VPS13D: variants seen among roughly 807,000 people sequenced by gnomAD.
VPS13D encodes intermembrane lipid transfer protein VPS13D.
In VPS13D, 187 loss-of-function variants were observed where a neutral mutation model predicts 461.9. The ratio of observed to expected loss-of-function variants is 0.40; its 90% CI spans 0.36 to 0.46. The LOEUF (loss-of-function observed/expected upper bound fraction) is 0.46, where lower values mean the gene tolerates loss of function less well. VPS13D is among the 20% of genes least tolerant of loss of function. The probability of loss-of-function intolerance (pLI) is 0.60; values close to 1 mark genes in which losing one functional copy is unlikely to be tolerated. For missense variants in VPS13D, 4,711 were observed against 5,364.9 expected (o/e 0.88, Z 3.81); for synonymous variants, 1,951 against 1,986.3 (o/e 0.98, Z 0.47).
intron 5 of VPS13D, among the ~76,000 whole-genome samples, chr1:12,245,631 A>G (rs1344702303): frequency 6.6e-6 from 1 of 152,172 alleles, no homozygotes; most frequent in Non-Finnish European, 1.5e-5. Context: ...GGCTGGGGCA[A>G]GAGGATGACT....
At chr1:12,469,048 AAAAC>A (rs1645530192) in intron 67 of VPS13D, among the ~76,000 whole-genome samples, 1 of 152,026 alleles carries the variant, frequency 6.6e-6, no homozygotes, top group Admixed American at 6.6e-5. Flanking sequence ...GAAAAAAAAA[AAAAC>A]AAAAAACTTT....
At chr1:12,327,552 A>T in intron 35 of VPS13D, 96 bp from the exon 36 acceptor site, 1 of 1,042,870 alleles carries the variant, frequency 9.6e-7, no homozygotes, top group Non-Finnish European at 1.3e-6. Context: ...GCTTCCCAGT[A>T]GGTCTCTAGA....
intron 67 of VPS13D, among the ~76,000 whole-genome samples, chr1:12,475,336 G>C (rs1168380375): frequency 6.6e-6 from 1 of 152,116 alleles, no homozygotes; most frequent in African/African-American, 2.4e-5. Flanking sequence ...TCCTTGCCCT[G>C]GTCATGTCTG....
chr1:12,278,217 C>A (rs1402136355), intron 19 of VPS13D, among the ~76,000 whole-genome samples, 179 bp downstream of exon 19: 1 of 152,186 alleles, frequency 6.6e-6, no homozygotes, highest in Non-Finnish European at 1.5e-5. Context: ...TGTTTTCACC[C>A]TTTTCCATTT....
intron 65 of VPS13D, among the ~76,000 whole-genome samples, chr1:12,417,992 T>G (rs1644817096): frequency 6.6e-6 from 1 of 152,124 alleles, no homozygotes; most frequent in African/African-American, 2.4e-5. Flanking sequence ...CTACAACCTC[T>G]GCCTCCCGAG....
At chr1:12,322,038 C>A (rs768518881) in intron 33 of VPS13D, 74 bp downstream of exon 33, 33 of 1,544,724 alleles carry the variant, frequency 2.1e-5, no homozygotes, top group Non-Finnish European at 2.6e-5. Flanking sequence ...CTTATTTGCT[C>A]TGAGCCCAAC....
At chr1:12,247,518 A>T (rs1230558735) in intron 5 of VPS13D, among the ~76,000 whole-genome samples, 1 of 151,974 alleles carries the variant, frequency 6.6e-6, no homozygotes, top group Non-Finnish European at 1.5e-5. Flanking sequence ...AAACCCAAAA[A>T]AAACAAAAAC....
chr1:12,305,791 C>T lies in VPS13D; in HGVS notation c.6439+1063C>T, dbSNP rs1393609337. Among the ~76,000 whole-genome samples the T allele has an allele frequency of 2.0e-5, 3 of 152,220 alleles. No homozygotes were observed. The East Asian group carries it at 5.8e-4, about 29-fold the overall frequency. The stretch of plus-strand genomic sequence containing the variant: ...AGATCCGAGGAATTGTTAGCTCTCT[C>T]TGGTACCTTATAGTCCTAGAGGTGA... On this transcript the variant is annotated intron_variant, in intron 26 of 69. Transcript: ENST00000620676.
In VPS13D at chr1:12,261,906, GA is replaced by G; in HGVS notation, c.1421del (p.Glu474GlyfsTer13). On this transcript the variant is annotated frameshift_variant, in exon 13 of 70. Coordinates refer to ENST00000620676, the MANE Select transcript of VPS13D (RefSeq NM_015378.4). LOFTEE classifies it high-confidence loss of function. ...TTTTCTCCCTTACCATTTAGGCACTGAGGAGTTTTTTGACCCCACTGCAGAT... is the reference window on the plus strand; with the variant it reads ...TTTTCTCCCTTACCATTTAGGCACTGGGAGTTTTTTGACCCCACTGCAGAT... The part of the protein sequence containing the change: ...QWIPEEILGT[E>X]EFFDPTADAS... 5 of 1,608,440 alleles carry G rather than the reference GA, an allele frequency of 3.1e-6. No individual in the cohort carries two copies. Among genetic ancestry groups the G allele is most frequent in the Non-Finnish European group, 4.3e-6 (5 of 1,176,306 alleles).
chr1:12,317,973 CG>C, intron 30 of VPS13D, 98 bp from the exon 31 acceptor site: 5 of 1,277,910 alleles, frequency 3.9e-6, no homozygotes, highest in East Asian at 2.3e-5. Context: ...TGGAAAATAC[CG>C]GAATACCACC....
At chr1:12,499,348 T>A (rs571869573) in intron 68 of VPS13D, 1 of 578,078 alleles carries the variant, frequency 1.7e-6, no homozygotes, top group Admixed American at 6.3e-5. Context: ...CATTTTCCAT[T>A]CATTTGGGGG....
intron 3 of VPS13D, 70 bp downstream of exon 3, chr1:12,242,660 C>G: frequency 2.9e-6 from 4 of 1,383,234 alleles, no homozygotes; most frequent in Non-Finnish European, 4.1e-6. Context: ...ACTGAGAGCC[C>G]TGGAGTTTGT....
chr1:12,311,282 G>A (rs1291963242), intron 27 of VPS13D, among the ~76,000 whole-genome samples, 172 bp from the exon 28 acceptor site: 1 of 152,116 alleles, frequency 6.6e-6, no homozygotes, highest in East Asian at 1.9e-4. Flanking sequence ...AAGCATGACA[G>A]TCATATTAAC....
chr1:12,340,772 C>CT (rs1557719876), intron 40 of VPS13D, among the ~76,000 whole-genome samples: 2 of 152,218 alleles, frequency 1.3e-5, no homozygotes, highest in East Asian at 1.9e-4. Flanking sequence ...CCACACCTCC[C>CT]TTTTTTTTGT....
chr1:12,479,539 T>C (rs1645684761), intron 67 of VPS13D, among the ~76,000 whole-genome samples: 1 of 152,190 alleles, frequency 6.6e-6, no homozygotes, highest in African/African-American at 2.4e-5. Flanking sequence ...GTGCTATACT[T>C]TCCCCATTGT....
chr1:12,328,069 C>G (rs974514939), intron 36 of VPS13D, among the ~76,000 whole-genome samples: 1 of 152,148 alleles, frequency 6.6e-6, no homozygotes, highest in Non-Finnish European at 1.5e-5. Flanking sequence ...TAGGAATGGT[C>G]TTTGATAAAA....
chr1:12,475,417 G>A (rs1000247738), intron 67 of VPS13D, among the ~76,000 whole-genome samples: 3 of 152,208 alleles, frequency 2.0e-5, no homozygotes, highest in Admixed American at 1.3e-4. Context: ...CCTTCCTAGG[G>A]CTGGCTCTGC....
At chr1:12,506,364 G>C (rs948860209) in intron 68 of VPS13D, among the ~76,000 whole-genome samples, 15 of 152,144 alleles carry the variant, frequency 9.9e-5, no homozygotes, top group African/African-American at 3.1e-4. Flanking sequence ...TGAAGTGGAT[G>C]GGGGGGTGCC....
intron 65 of VPS13D, among the ~76,000 whole-genome samples, chr1:12,433,881 A>G (rs1645024573): frequency 6.6e-6 from 1 of 150,388 alleles, no homozygotes; most frequent in Non-Finnish European, 1.5e-5. Flanking sequence ...TGAGCTAATT[A>G]AAGGCCTTTT....
Sources: allele counts gnomAD v4.1 joint callset (sites outside exome capture counted in the v4.1 genomes callset), GRCh38; gene constraint gnomAD v4.1.1; transcripts MANE v1.5; gene names NCBI Gene and HGNC (gene_info 2026-07-23, HGNC 2026-07-21).